OPCML: variants seen among roughly 807,000 people sequenced by gnomAD.
OPCML encodes opioid binding protein/cell adhesion molecule like.
Under a neutral mutation model 37.8 loss-of-function variants are expected in OPCML, and 13 were observed. That is an observed-to-expected ratio of 0.34 (90% CI 0.22 to 0.55). OPCML has a LOEUF of 0.55. Ranked by LOEUF, OPCML falls within the 20% of genes least tolerant of loss-of-function variation. The pLI is 0.91. For synonymous variants in OPCML, 176 were observed against 168.8 expected (o/e 1.04, Z -0.33); for missense variants, 341 against 435.6 (o/e 0.78, Z 1.93).
chr11:133,007,669 T>C (rs906880751), intron 1 of OPCML: 2 of 985,384 alleles, frequency 2.0e-6, no homozygotes, highest in African/African-American at 1.7e-5. Flanking sequence ...ATTGAAATAA[T>C]AGGCACACAG....
At chr11:132,489,900 C>G (rs937558280) in intron 4 of OPCML, among the ~76,000 whole-genome samples, 1 of 152,046 alleles carries the variant, frequency 6.6e-6, no homozygotes, top group Non-Finnish European at 1.5e-5. Context: ...TCCATGTGTT[C>G]TCATTGTTCA....
chr11:133,217,164 A>C (rs1044858351), intron 1 of OPCML, among the ~76,000 whole-genome samples: 2 of 152,116 alleles, frequency 1.3e-5, no homozygotes, highest in African/African-American at 4.8e-5. Context: ...CAGCCCACTC[A>C]CACTAGACCC....
At chr11:133,459,042 T>C (rs1366297518) in intron 1 of OPCML, among the ~76,000 whole-genome samples, 1 of 152,010 alleles carries the variant, frequency 6.6e-6, no homozygotes, top group Non-Finnish European at 1.5e-5. Context: ...AATGGGAACA[T>C]AATGTATAAA....
chr11:133,073,493 C>G lies in OPCML; in HGVS notation c.62-130483G>C, dbSNP rs187072820. 2.0e-5 allele frequency among the ~76,000 whole-genome samples: 3 copies of G among 152,348 alleles called. No homozygotes were observed. The South Asian group carries it at 6.2e-4, about 32-fold the overall frequency. ...GGGAGCTGAGGGCAGTTCTCAGCAC[C>G]ATTCTAATGAGCTGCCCCAAAGCTG... On this transcript the variant is annotated intron_variant, in intron 1 of 7. Transcript: ENST00000524381.
chr11:132,796,752 T>A (rs887833950), intron 2 of OPCML, among the ~76,000 whole-genome samples: 3 of 151,960 alleles, frequency 2.0e-5, no homozygotes, highest in Non-Finnish European at 4.4e-5. Flanking sequence ...TAATTTTTTG[T>A]ATTTTTTAGT....
intron 1 of OPCML, among the ~76,000 whole-genome samples, chr11:133,035,223 G>C (rs1475568699): frequency 6.6e-6 from 1 of 152,202 alleles, no homozygotes; most frequent in African/African-American, 2.4e-5. Context: ...CACCCTATCT[G>C]TCATGTCGCC....
intron 1 of OPCML, among the ~76,000 whole-genome samples, chr11:133,291,284 A>C (rs1592172241): frequency 6.6e-6 from 1 of 152,222 alleles, no homozygotes; most frequent in Non-Finnish European, 1.5e-5. Context: ...CAAAATCATG[A>C]TAATGATCGA....
chr11:133,321,751 A>T (rs1328122535), intron 1 of OPCML, among the ~76,000 whole-genome samples: 2 of 152,220 alleles, frequency 1.3e-5, no homozygotes, highest in African/African-American at 4.8e-5. Flanking sequence ...ATATAATAAC[A>T]GACAGATGTG....
rs150136368 is a variant in OPCML at position 132,553,790 on chromosome 11, G to A, written c.380-24604C>T. ...TAATGCATTCCTGTACGTTTTCCCCGGATTCCCCCATATTCTCCCTTCCCA... is the reference window on the plus strand; with the variant it reads ...TAATGCATTCCTGTACGTTTTCCCCAGATTCCCCCATATTCTCCCTTCCCA... On this transcript the variant is annotated intron_variant, in intron 3 of 7. Transcript: ENST00000524381. Among the ~76,000 whole-genome samples, 566 of 152,114 alleles carry A rather than the reference G, an allele frequency of 3.7e-3. 5 individuals are homozygous for A. The highest frequency in any genetic ancestry group is 0.013 in the African/African-American group (547 of 41,476).
intron 3 of OPCML, among the ~76,000 whole-genome samples, chr11:132,613,549 A>G (rs1360481785): frequency 1.3e-5 from 2 of 152,202 alleles, no homozygotes. Context: ...GAAACACTTC[A>G]AAGAAAACCG....
At chr11:133,304,989 G>A (rs182682492) in intron 1 of OPCML, among the ~76,000 whole-genome samples, 23 of 152,238 alleles carry the variant, frequency 1.5e-4, no homozygotes, top group African/African-American at 4.3e-4. Flanking sequence ...AGGAACTACA[G>A]TCTCAAAACT....
At chr11:133,498,667 C>T (rs1182251913) in intron 1 of OPCML, among the ~76,000 whole-genome samples, 1 of 152,206 alleles carries the variant, frequency 6.6e-6, no homozygotes, top group Non-Finnish European at 1.5e-5. Flanking sequence ...AGATGCAGGC[C>T]TTATTGGAAC....
At chr11:133,503,419 C>T (rs1947959433) in intron 1 of OPCML, among the ~76,000 whole-genome samples, 2 of 152,184 alleles carry the variant, frequency 1.3e-5, no homozygotes, top group Non-Finnish European at 2.9e-5. Context: ...GCCACAGCTC[C>T]TCCAAGCCCA....
intron 2 of OPCML, among the ~76,000 whole-genome samples, chr11:132,665,107 G>A (rs1942161736): frequency 6.6e-6 from 1 of 152,200 alleles, no homozygotes; most frequent in African/African-American, 2.4e-5. Flanking sequence ...ATGTGTATGT[G>A]TGTGTGGAGC....
chr11:132,921,000 C>T (rs900454067), intron 2 of OPCML, among the ~76,000 whole-genome samples: 6 of 152,138 alleles, frequency 3.9e-5, no homozygotes, highest in Admixed American at 2.0e-4. Flanking sequence ...CAGTGCTTCC[C>T]GCTGCGTCTG....
chr11:133,501,910 C>T (rs867500259), intron 1 of OPCML, among the ~76,000 whole-genome samples: 4 of 152,068 alleles, frequency 2.6e-5, no homozygotes, highest in East Asian at 1.9e-4. Flanking sequence ...CAACATGCCT[C>T]GAGGCTGTGC....
intron 1 of OPCML, among the ~76,000 whole-genome samples, chr11:133,217,675 A>T (rs1939641338): frequency 6.6e-6 from 1 of 152,094 alleles, no homozygotes; most frequent in Admixed American, 6.5e-5. Context: ...GACAAACTGC[A>T]CCGATCTGCT....
intron 4 of OPCML, among the ~76,000 whole-genome samples, chr11:132,455,577 C>G (rs2096079939): frequency 6.6e-6 from 1 of 152,172 alleles, no homozygotes; most frequent in African/African-American, 2.4e-5. Flanking sequence ...TACATTTGTT[C>G]ATCTTCTGTA....
intron 1 of OPCML, among the ~76,000 whole-genome samples, chr11:132,945,516 G>C (rs566998679): frequency 6.6e-6 from 1 of 151,698 alleles, no homozygotes; most frequent in Non-Finnish European, 1.5e-5. Context: ...GTCAGTGAGC[G>C]GGTGGGGAAT....
Sources: allele counts gnomAD v4.1 joint callset (sites outside exome capture counted in the v4.1 genomes callset), GRCh38; gene constraint gnomAD v4.1.1; transcripts MANE v1.5; gene names NCBI Gene and HGNC (gene_info 2026-07-23, HGNC 2026-07-21).